Variants in ALK observed in about 807,000 individuals in gnomAD.
The protein encoded by ALK is ALK tyrosine kinase receptor.
A neutral mutation model predicts 163.1 loss-of-function variants in ALK; 74 were observed. That is an observed-to-expected ratio of 0.45 (90% CI 0.38 to 0.55). ALK has a LOEUF of 0.55. ALK is among the 20% of genes least tolerant of loss of function. The probability of loss-of-function intolerance (pLI) is 0.00; values close to 1 mark genes in which losing one functional copy is unlikely to be tolerated. For missense variants in ALK, 2,063 were observed against 2,105.3 expected (o/e 0.98, Z 0.39); for synonymous variants, 960 against 843.2 (o/e 1.14, Z -2.40).
intron 4 of ALK, among the ~76,000 whole-genome samples, chr2:29,516,510 CT>C (rs1425881653): frequency 6.6e-6 from 1 of 152,302 alleles, no homozygotes; most frequent in East Asian, 1.9e-4. Context: ...GTACTTTTCC[CT>C]GTGCATCTGG....
intron 3 of ALK, among the ~76,000 whole-genome samples, chr2:29,595,607 G>T (rs915405687): frequency 1.3e-5 from 2 of 152,100 alleles, no homozygotes; most frequent in African/African-American, 4.8e-5. Flanking sequence ...GGCGTGAGCC[G>T]CCGCGCCCAG....
In ALK at chr2:29,462,687, C is replaced by T. The variant is rs141554307; in HGVS notation, c.1154+69228G>A. On this transcript the variant is annotated intron_variant, in intron 4 of 28. Coordinates refer to ENST00000389048, the MANE Select transcript of ALK (RefSeq NM_004304.5). ...TGCTTTACTGAGATACTTGCTTTAT[C>T]GTGGTGGTCTGGAATATCTTAATGA... Among the ~76,000 whole-genome samples the T allele has an allele frequency of 7.8e-3, 1,195 of 152,272 alleles. 5 individuals carry two copies. Among genetic ancestry groups the T allele is most frequent in the Non-Finnish European group, 0.014 (921 of 68,002 alleles).
chr2:29,318,662 G>A (rs1400257496), intron 7 of ALK, among the ~76,000 whole-genome samples: 1 of 151,838 alleles, frequency 6.6e-6, no homozygotes, highest in African/African-American at 2.4e-5. Flanking sequence ...CGCCTCCCGG[G>A]TTCATGCCAT....
In ALK at chr2:29,225,515, C is replaced by T. The variant is rs763143588; in HGVS notation, c.3118G>A (p.Val1040Met). 1.2e-6 allele frequency: 2 copies of T among 1,613,556 alleles called. No homozygotes were observed. Among genetic ancestry groups the T allele is most frequent in the East Asian group, 2.2e-5 (1 of 44,870 alleles). ...AGGGCGGCCACGAGGGCAGAGGTCA[C>T]CACAGAGAGGATCAGCGAGAGTGGC... ...HLPLSLILSV[V>M]TSALVAALVL... Residue 1040 changes from valine to methionine, a missense_variant, in exon 19 of 29, where the codon GTG becomes ATG. Physicochemically the swap from Val to Met is conservative, Grantham distance 21. This residue lies in a region of ALK where 575 missense variants were observed against 626.6 expected (regional missense o/e 0.92). Transcript: ENST00000389048.
intron 4 of ALK, among the ~76,000 whole-genome samples, chr2:29,511,810 G>A (rs1443766605): frequency 1.3e-5 from 2 of 152,146 alleles, no homozygotes; most frequent in Non-Finnish European, 2.9e-5. Flanking sequence ...CACTTGGTAT[G>A]GTTAGTCTTT....
intron 3 of ALK, among the ~76,000 whole-genome samples, chr2:29,641,484 G>T (rs973568751): frequency 6.6e-6 from 1 of 152,096 alleles, no homozygotes; most frequent in East Asian, 1.9e-4. Context: ...AAAAACAGGG[G>T]CCCTGAGACA....
At chr2:29,868,867 G>T (rs1666508270) in intron 1 of ALK, among the ~76,000 whole-genome samples, 2 of 152,236 alleles carry the variant, frequency 1.3e-5, no homozygotes, top group Middle Eastern at 6.8e-3. Flanking sequence ...ACATATAAAG[G>T]GTAGTAAACC....
chr2:29,581,037 A>C (rs1674675582), intron 3 of ALK, among the ~76,000 whole-genome samples: 1 of 152,194 alleles, frequency 6.6e-6, no homozygotes, highest in Non-Finnish European at 1.5e-5. Flanking sequence ...TGGTTCTGCC[A>C]AAGCCTGGCA....
At chr2:29,238,144 T>C (rs1210512369) in intron 13 of ALK, among the ~76,000 whole-genome samples, 1 of 152,204 alleles carries the variant, frequency 6.6e-6, no homozygotes, top group Non-Finnish European at 1.5e-5. Flanking sequence ...GCTGCCCCCA[T>C]AGATGTGCAG....
At chr2:29,496,325 A>C (rs1035656345) in intron 4 of ALK, among the ~76,000 whole-genome samples, 4 of 152,136 alleles carry the variant, frequency 2.6e-5, no homozygotes, top group Non-Finnish European at 4.4e-5. Context: ...CAACTCACTC[A>C]CTTTTTCATC....
chr2:29,193,405 G>A lies in ALK; in HGVS notation c.4682C>T (p.Ser1561Leu), dbSNP rs1209157216. ...PGASLLLEPSSLTANMKEVPL... is the reference protein window; with the variant it reads ...PGASLLLEPSLLTANMKEVPL... ...TACCTCCTTCATATTGGCAGTCAGC[G>A]AAGAGGGCTCTAGGAGCAGTGAGGC... The change falls in exon 29 of 29, where the codon TCG (serine) becomes TTG (leucine). Residue 1561 changes from serine (S) to leucine (L), a missense_variant. Physicochemically the swap from Ser to Leu is moderately radical, Grantham distance 145. Transcript: ENST00000389048. The A allele has an allele frequency of 8.1e-6, 13 of 1,614,114 alleles. No homozygotes were observed. Among genetic ancestry groups the A allele is most frequent in the East Asian group, 2.2e-5 (1 of 44,886 alleles).
chr2:29,510,773 T>C (rs1206444633), intron 4 of ALK, among the ~76,000 whole-genome samples: 1 of 152,172 alleles, frequency 6.6e-6, no homozygotes, highest in African/African-American at 2.4e-5. Flanking sequence ...TTTTATTTTG[T>C]GGTCTAGACA....
intron 3 of ALK, among the ~76,000 whole-genome samples, chr2:29,669,889 A>C (rs1160103192): frequency 6.6e-6 from 1 of 152,054 alleles, no homozygotes; most frequent in Non-Finnish European, 1.5e-5. Context: ...AAACTAAAAA[A>C]AAAATTCTAT....
At chr2:29,644,674 C>T (rs1343649445) in intron 3 of ALK, among the ~76,000 whole-genome samples, 1 of 151,992 alleles carries the variant, frequency 6.6e-6, no homozygotes, top group Admixed American at 6.6e-5. Flanking sequence ...GTTTATACCC[C>T]TAGCAACCAG....
At chr2:29,615,633 C>A (rs1474469946) in intron 3 of ALK, among the ~76,000 whole-genome samples, 1 of 152,088 alleles carries the variant, frequency 6.6e-6, no homozygotes, top group Non-Finnish European at 1.5e-5. Context: ...CACTACTGAC[C>A]CCACAATCCT....
Position 29,531,900 on chromosome 2 carries a change from T to A in ALK, c.1154+15A>T. ...CCTGGTATAAAATCAATTTTGGACA[T>A]GGAGAAGTACTTACCCATGCTTCCC... is the stretch of plus-strand genomic sequence containing the variant. On this transcript the variant is annotated intron_variant, in intron 4 of 28. Transcript: ENST00000389048. The A allele has an allele frequency of 6.2e-7, 1 of 1,613,944 alleles. No individual in the cohort carries two copies. The highest frequency in any genetic ancestry group is 8.5e-7 in the Non-Finnish European group (1 of 1,179,922).
intron 3 of ALK, among the ~76,000 whole-genome samples, chr2:29,586,974 G>T (rs1445648240): frequency 1.3e-5 from 2 of 152,138 alleles, no homozygotes; most frequent in East Asian, 3.9e-4. Context: ...TGAGATGGGG[G>T]AATCTAGTAG....
At chr2:29,519,744 C>T (rs557422165) in intron 4 of ALK, among the ~76,000 whole-genome samples, 4 of 152,302 alleles carry the variant, frequency 2.6e-5, no homozygotes, top group African/African-American at 7.2e-5. Flanking sequence ...GGTGACCAGG[C>T]CACTGCGAGA....
chr2:29,388,518 G>A (rs1476320549), intron 4 of ALK, among the ~76,000 whole-genome samples: 1 of 152,176 alleles, frequency 6.6e-6, no homozygotes, highest in African/African-American at 2.4e-5. Flanking sequence ...CCTAAGCTAC[G>A]ACCTTAGGCA....
Sources: allele counts gnomAD v4.1 joint callset (sites outside exome capture counted in the v4.1 genomes callset), GRCh38; gene constraint gnomAD v4.1.1; regional missense constraint gnomAD v4.1.1; transcripts MANE v1.5; gene names NCBI Gene and HGNC (gene_info 2026-07-23, HGNC 2026-07-21).